SENP7: variants seen among roughly 807,000 people sequenced by gnomAD.
SENP7 encodes sentrin-specific protease 7.
A neutral mutation model predicts 141.2 loss-of-function variants in SENP7; 64 were observed. The observed-to-expected ratio is 0.45, with a 90% CI of 0.37 to 0.56. The LOEUF (loss-of-function observed/expected upper bound fraction) is 0.56, where lower values mean the gene tolerates loss of function less well. Among genes scored for constraint, SENP7 ranks in the 20% least tolerant of loss-of-function variants. SENP7 has a pLI of 0.00. For synonymous variants in SENP7, 382 were observed against 426.4 expected (o/e 0.90, Z 1.28); for missense variants, 1,025 against 1,212.2 (o/e 0.85, Z 2.29).
chr3:101,440,043 GC>G (rs2062596464), intron 4 of SENP7, among the ~76,000 whole-genome samples: 1 of 65,322 alleles, frequency 1.5e-5, no homozygotes, highest in Non-Finnish European at 3.6e-5. Flanking sequence ...GAGCCCCTCT[GC>G]CCGGCCACCA....
At chr3:101,456,801 G>GT (rs1338540708) in intron 4 of SENP7, among the ~76,000 whole-genome samples, 2 of 152,062 alleles carry the variant, frequency 1.3e-5, no homozygotes, top group Admixed American at 1.3e-4. Flanking sequence ...ACTTTTATTA[G>GT]TTTTTTGTAG....
intron 6 of SENP7, among the ~76,000 whole-genome samples, chr3:101,388,105 A>G (rs2060710833): frequency 6.6e-6 from 1 of 152,106 alleles, no homozygotes; most frequent in African/African-American, 2.4e-5. Flanking sequence ...ACCATCACCA[A>G]TGCCACTCAC....
intron 3 of SENP7, among the ~76,000 whole-genome samples, chr3:101,466,595 G>C (rs1371031624): frequency 6.6e-6 from 1 of 152,062 alleles, no homozygotes; most frequent in Non-Finnish European, 1.5e-5. Context: ...ATGCTTAATA[G>C]AGTCTTAAAA....
At chr3:101,448,502 A>C (rs13320918) in intron 4 of SENP7, among the ~76,000 whole-genome samples, 1 of 152,032 alleles carries the variant, frequency 6.6e-6, no homozygotes, top group Non-Finnish European at 1.5e-5. Context: ...TATCAGCAGC[A>C]GAGGCTGCAG....
In SENP7 at chr3:101,417,639, A is replaced by G. The variant is rs1467012419; in HGVS notation, c.436T>C (p.Cys146Arg). 6.2e-7 allele frequency: 1 copy of G among 1,613,880 alleles called. No homozygotes were observed. Residue 146 changes from cysteine to arginine, a missense_variant, in exon 5 of 24, where the codon TGT becomes CGT. Physicochemically the swap from Cys to Arg is radical, Grantham distance 180. Coordinates refer to ENST00000394095, the MANE Select transcript of SENP7 (RefSeq NM_020654.5). ...PSTSVDSLET[C>R]QKLEPLRQSL... is the part of the protein sequence containing the mutation. ...TGGCGAAGAGGTTCTAATTTTTGAC[A>G]TGTCTCTAGGCTGTCAACAGATGTC...
At chr3:101,411,394 A>G (rs1196743576) in intron 5 of SENP7, among the ~76,000 whole-genome samples, 3 of 152,232 alleles carry the variant, frequency 2.0e-5, no homozygotes, top group Non-Finnish European at 2.9e-5. Context: ...ATACAATTAA[A>G]GTATATAATT....
At chr3:101,399,917 C>A (rs2061084657) in intron 5 of SENP7, among the ~76,000 whole-genome samples, 1 of 152,224 alleles carries the variant, frequency 6.6e-6, no homozygotes, top group Non-Finnish European at 1.5e-5. Flanking sequence ...TGAGCCACTG[C>A]ATCTAGCCTG....
In SENP7 at chr3:101,351,652, C is replaced by A; in HGVS notation, c.1624-1G>T. 2.2e-6 allele frequency: 3 copies of A among 1,345,034 alleles called. No homozygotes were observed. The highest frequency in any genetic ancestry group is 2.9e-6 in the Non-Finnish European group (3 of 1,028,766). 83.3% of individuals were successfully genotyped at this position (1,345,034 alleles called of 1,614,324 possible). On this transcript the variant is annotated splice_acceptor_variant, in intron 11 of 23. Coordinates refer to ENST00000394095, the MANE Select transcript of SENP7 (RefSeq NM_020654.5). LOFTEE classifies it high-confidence loss of function. ...GGATCTTAATATATTTTTTTGTGATCTGAAGAAAAAATTAAAAAGCAAACA... is the reference window on the plus strand; with the variant it reads ...GGATCTTAATATATTTTTTTGTGATATGAAGAAAAAATTAAAAAGCAAACA...
At chr3:101,435,651 GA>G (rs1055296000) in intron 4 of SENP7, among the ~76,000 whole-genome samples, 49 of 150,904 alleles carry the variant, frequency 3.2e-4, no homozygotes, top group African/African-American at 1.1e-3. Context: ...CAAAAAACAC[GA>G]AAAAAAATTA....
At chr3:101,374,981 A>T (rs1272958484) in intron 6 of SENP7, among the ~76,000 whole-genome samples, 1 of 152,188 alleles carries the variant, frequency 6.6e-6, no homozygotes, top group Non-Finnish European at 1.5e-5. Context: ...CTCCAAAGAC[A>T]TACAAATGGC....
intron 4 of SENP7, among the ~76,000 whole-genome samples, chr3:101,436,188 A>G (rs1452217293): frequency 6.6e-6 from 1 of 152,142 alleles, no homozygotes; most frequent in Non-Finnish European, 1.5e-5. Context: ...ACACCTCTTC[A>G]TTAAGTGATC....
At chr3:101,467,026 T>A (rs2063781304) in intron 3 of SENP7, among the ~76,000 whole-genome samples, 4 of 152,172 alleles carry the variant, frequency 2.6e-5, no homozygotes, top group Admixed American at 6.5e-5. Flanking sequence ...GACAAGGTGA[T>A]TCTCTCCCCG....
At chr3:101,438,518 T>C (rs913973644) in intron 4 of SENP7, among the ~76,000 whole-genome samples, 1 of 152,162 alleles carries the variant, frequency 6.6e-6, no homozygotes, top group African/African-American at 2.4e-5. Context: ...CATTATCAAT[T>C]TATTTAACAA....
chr3:101,477,300 C>A (rs911410093), intron 3 of SENP7, among the ~76,000 whole-genome samples: 25 of 151,842 alleles, frequency 1.6e-4, no homozygotes, highest in Admixed American at 1.6e-3. Flanking sequence ...ACTTTGGAAA[C>A]AATACAAATA....
intron 3 of SENP7, among the ~76,000 whole-genome samples, chr3:101,470,297 G>A (rs554339597): frequency 1.3e-5 from 2 of 152,210 alleles, no homozygotes; most frequent in East Asian, 1.9e-4. Context: ...ATCAAAAAGC[G>A]TATCCACCAC....
In SENP7 at chr3:101,417,705, A is replaced by T; in HGVS notation, c.370T>A (p.Leu124Ile). The change falls in exon 5 of 24, where the codon TTA becomes ATA. Residue 124 changes from leucine to isoleucine, a missense_variant. Physicochemically the swap from Leu to Ile is conservative, Grantham distance 5. Around this residue, in one of 4 missense-constraint regions of SENP7, gnomAD observed 496 missense variants for 503.5 expected, o/e 0.99. Transcript: ENST00000394095. ...GATTGCACCTTGTTGGCATCACATA[A>T]ATTAGCATCGTTTCTAGGTAGGGTC... ...RKTLPRNDAN[L>I]CDANKVQSDS... is the part of the protein sequence containing the mutation. 1 of 1,613,966 alleles carries T rather than the reference A, an allele frequency of 6.2e-7. No individual in the cohort carries two copies. Among genetic ancestry groups the T allele is most frequent in the South Asian group, 1.1e-5 (1 of 91,078 alleles).
chr3:101,433,800 A>G (rs2062277205), intron 4 of SENP7, among the ~76,000 whole-genome samples: 1 of 152,278 alleles, frequency 6.6e-6, no homozygotes, highest in African/African-American at 2.4e-5. Flanking sequence ...AGTGAGAGAT[A>G]GACCTCAATA....
At chr3:101,483,220 TA>T (rs970621876) in intron 3 of SENP7, among the ~76,000 whole-genome samples, 1 of 151,800 alleles carries the variant, frequency 6.6e-6, no homozygotes, top group African/African-American at 2.4e-5. Flanking sequence ...TGGACTGGAT[TA>T]AAAAAAAGTG....
At position 101,329,956 on chromosome 3, in the gene SENP7, GAAAA is replaced by G. The variant is rs1203567505; in HGVS notation, c.2751+374_2751+377del. On this transcript the variant is annotated intron_variant, in intron 20 of 23. Transcript: ENST00000394095. Reference sequence around the variant, plus strand: ...GGTGTCAGCAAGACCCCATCACAAAGAAAAAAAAAAAAAAGGAAGAAAGAAAGAA... The same window carrying G: ...GGTGTCAGCAAGACCCCATCACAAAGAAAAAAAAAAGGAAGAAAGAAAGAA... Among the ~76,000 whole-genome samples the G allele has an allele frequency of 5.2e-5, 3 of 57,336 alleles. No individual in the cohort carries two copies. In the Admixed American group the frequency reaches 5.4e-4, roughly 10 times the overall value. 37.6% of individuals were successfully genotyped at this position (57,336 alleles called of 152,430 possible).
Sources: gnomAD v4.1 joint callset for allele counts (sites outside exome capture counted in the v4.1 genomes callset) on GRCh38, gnomAD v4.1.1 for gene constraint, gnomAD v4.1.1 regional missense constraint, MANE v1.5 for transcripts, NCBI Gene and HGNC (gene_info 2026-07-23, HGNC 2026-07-21) for gene names.